The following CEP128 variants were observed in gnomAD, a reference collection of about 807,000 sequenced individuals.
CEP128 encodes centrosomal protein 128, also known as centrosomal protein 128kDa.
Under a neutral mutation model 156.7 loss-of-function variants are expected in CEP128, and 132 were observed. That is an observed-to-expected ratio of 0.84 (90% CI 0.73 to 0.97). The LOEUF is 0.97. CEP128 is among the 50% of genes least tolerant of loss of function. CEP128 has a pLI of 0.00. For missense variants in CEP128, 1,252 were observed against 1,281.9 expected (o/e 0.98, Z 0.36); for synonymous variants, 469 against 448.9 (o/e 1.04, Z -0.57).
chr14:80,875,003 A>G (rs1888213735), intron 8 of CEP128, among the ~76,000 whole-genome samples: 1 of 152,210 alleles, frequency 6.6e-6, no homozygotes, highest in South Asian at 2.1e-4. Context: ...AAAACCGGAG[A>G]GAATGGTCTA....
chr14:80,561,592 C>G (rs1294697262), intron 20 of CEP128, among the ~76,000 whole-genome samples: 1 of 152,056 alleles, frequency 6.6e-6, no homozygotes, highest in Non-Finnish European at 1.5e-5. Flanking sequence ...CCTATTTGGG[C>G]CTTAAGTTTT....
At chr14:80,916,997 A>G (rs1405059925) in intron 2 of CEP128, among the ~76,000 whole-genome samples, 1 of 152,250 alleles carries the variant, frequency 6.6e-6, no homozygotes, top group Non-Finnish European at 1.5e-5. Context: ...GAACACAGGT[A>G]AAGGCCACAC....
chr14:80,628,712 G>C (rs1277733504), intron 19 of CEP128, among the ~76,000 whole-genome samples: 2 of 152,178 alleles, frequency 1.3e-5, no homozygotes, highest in African/African-American at 4.8e-5. Context: ...ACAGGGAATG[G>C]TTTAAGGGTA....
chr14:80,734,434 C>CT lies in CEP128; in HGVS notation c.2806+8640dup, dbSNP rs542227591. 3.7e-4 allele frequency among the ~76,000 whole-genome samples: 54 copies of CT among 147,832 alleles called. 2 individuals carry two copies. The Middle Eastern group carries it at 0.01, about 28-fold the overall frequency. On this transcript the variant is annotated intron_variant, in intron 19 of 24. Coordinates refer to ENST00000555265, the MANE Select transcript of CEP128 (RefSeq NM_152446.5). ...TTATTGCTAAGAAATGACACCCTGA[C>CT]TTTTTTTTTTAGGCTGGATGATAGT... is the stretch of plus-strand genomic sequence containing the variant.
At chr14:80,835,072 G>T (rs893575808) in intron 12 of CEP128, among the ~76,000 whole-genome samples, 1 of 152,206 alleles carries the variant, frequency 6.6e-6, no homozygotes, top group East Asian at 1.9e-4. Context: ...CAAGGGAACT[G>T]ATTAGTTCAG....
At chr14:80,733,268 T>C (rs947273663) in intron 19 of CEP128, among the ~76,000 whole-genome samples, 1 of 151,860 alleles carries the variant, frequency 6.6e-6, no homozygotes, top group Non-Finnish European at 1.5e-5. Context: ...AACTATACCA[T>C]AGGTGCTCTT....
intron 21 of CEP128, among the ~76,000 whole-genome samples, chr14:80,549,145 T>G (rs1890109777): frequency 6.6e-6 from 1 of 152,146 alleles, no homozygotes; most frequent in African/African-American, 2.4e-5. Flanking sequence ...AAGGAGAATG[T>G]CTAGATTGTT....
intron 13 of CEP128, among the ~76,000 whole-genome samples, chr14:80,808,586 G>A (rs538584761): frequency 6.6e-5 from 10 of 152,018 alleles, no homozygotes; most frequent in Non-Finnish European, 1.0e-4. Context: ...GCCATATGAA[G>A]ACCCAAAATC....
chr14:80,640,537 A>AT (rs1287157275), intron 19 of CEP128, among the ~76,000 whole-genome samples: 4 of 151,888 alleles, frequency 2.6e-5, no homozygotes, highest in Non-Finnish European at 4.4e-5. Context: ...CAATTTTTCT[A>AT]TTTTTTCCAC....
At chr14:80,536,881 A>C (rs959103487) in intron 21 of CEP128, among the ~76,000 whole-genome samples, 9 of 152,118 alleles carry the variant, frequency 5.9e-5, no homozygotes, top group South Asian at 4.2e-4. Flanking sequence ...TCAGATGCCC[A>C]CTTAGAAGTG....
intron 8 of CEP128, among the ~76,000 whole-genome samples, chr14:80,864,306 C>T (rs1887663526): frequency 6.6e-6 from 1 of 152,106 alleles, no homozygotes; most frequent in Non-Finnish European, 1.5e-5. Context: ...ACTCTGCCTT[C>T]AAATAGCTTG....
At chr14:80,845,701 G>T (rs1886564647) in intron 9 of CEP128, among the ~76,000 whole-genome samples, 1 of 151,696 alleles carries the variant, frequency 6.6e-6, no homozygotes, top group African/African-American at 2.4e-5. Context: ...GTTTAGAAGG[G>T]TTTTTTTTGT....
intron 20 of CEP128, among the ~76,000 whole-genome samples, chr14:80,576,123 T>C (rs12323448): frequency 0.028 from 4,282 of 152,104 alleles, 213 homozygotes; most frequent in African/African-American, 0.098. Context: ...TAGACTGGTA[T>C]TTAAAAAAAT....
intron 23 of CEP128, among the ~76,000 whole-genome samples, chr14:80,509,491 T>C (rs1178901099): frequency 6.6e-6 from 1 of 152,236 alleles, no homozygotes; most frequent in Admixed American, 6.5e-5. Flanking sequence ...ATTATTAGAT[T>C]TTTTTCCCTA....
At chr14:80,625,884 G>A (rs1261274230) in intron 19 of CEP128, among the ~76,000 whole-genome samples, 6 of 100,376 alleles carry the variant, frequency 6.0e-5, no homozygotes, top group African/African-American at 2.4e-4. Flanking sequence ...CTTTCTTTTT[G>A]TTACTCTTGT....
chr14:80,613,656 A>C (rs17110847), intron 19 of CEP128, among the ~76,000 whole-genome samples: 5,075 of 152,190 alleles, frequency 0.033, 290 homozygotes, highest in African/African-American at 0.12. Context: ...ATTATTATTC[A>C]AATGACGCTT....
chr14:80,554,425 T>G (rs1890342243), intron 21 of CEP128, among the ~76,000 whole-genome samples: 1 of 152,026 alleles, frequency 6.6e-6, no homozygotes. Flanking sequence ...TCTGGAAGAG[T>G]TTTATAAAAC....
intron 13 of CEP128, among the ~76,000 whole-genome samples, chr14:80,811,605 T>C (rs139252032): frequency 4.6e-5 from 7 of 152,172 alleles, no homozygotes; most frequent in Non-Finnish European, 1.0e-4. Context: ...CATATATATA[T>C]AGGCAGAAGA....
chr14:80,873,900 C>T (rs186774527), intron 8 of CEP128, among the ~76,000 whole-genome samples: 1 of 152,200 alleles, frequency 6.6e-6, no homozygotes. Context: ...TTTCCCTGCA[C>T]AAGCTCTCTC....
Sources: gnomAD v4.1 joint callset for allele counts (sites outside exome capture counted in the v4.1 genomes callset) on GRCh38, gnomAD v4.1.1 for gene constraint, MANE v1.5 for transcripts, NCBI Gene and HGNC (gene_info 2026-07-23, HGNC 2026-07-21) for gene names.